The following RALGAPA2 variants were observed in gnomAD, a reference collection of about 807,000 sequenced individuals.
RALGAPA2 encodes Ral GTPase activating protein catalytic subunit alpha 2.
Under a neutral mutation model 230.4 loss-of-function variants are expected in RALGAPA2, and 139 were observed. That is an observed-to-expected ratio of 0.60 (90% CI 0.53 to 0.69). The LOEUF (loss-of-function observed/expected upper bound fraction) is 0.69. Among genes scored for constraint, RALGAPA2 ranks in the 30% least tolerant of loss-of-function variants. The pLI is 0.00. For synonymous variants in RALGAPA2, 847 were observed against 837.8 expected, an observed-to-expected ratio of 1.01 and a Z score of -0.19; for missense variants, 2,163 against 2,276.0, an observed-to-expected ratio of 0.95 and a Z score of 1.01.
At chr20:20,491,188 T>C (rs976119393) in intron 36 of RALGAPA2, among the ~76,000 whole-genome samples, 5 of 152,202 alleles carry the variant, frequency 3.3e-5, no homozygotes, top group Non-Finnish European at 7.3e-5. Flanking sequence ...TCCCATCTCC[T>C]GTCTTACTAC....
intron 37 of RALGAPA2, among the ~76,000 whole-genome samples, chr20:20,422,966 G>A (rs1295205345): frequency 6.6e-6 from 1 of 152,198 alleles, no homozygotes; most frequent in Admixed American, 6.5e-5. Flanking sequence ...ACACCAGCCT[G>A]TGGCAACTTG....
chr20:20,701,163 T>A lies in RALGAPA2; in HGVS notation c.106+11212A>T, dbSNP rs1057380543. ...GTTCAAATGCTGATTCTGCCACTCA[T>A]TGGATGTGTAACCTTGAACAAGGTT... On this transcript the variant is annotated intron_variant, in intron 1 of 39. Coordinates refer to ENST00000202677, the MANE Select transcript of RALGAPA2 (RefSeq NM_020343.4). Among the ~76,000 whole-genome samples, 3 of 152,216 alleles carry A rather than the reference T, an allele frequency of 2.0e-5. No homozygotes were observed. In the South Asian group the frequency reaches 6.2e-4, roughly 32 times the overall value.
At chr20:20,642,486 C>T (rs2067075892) in intron 5 of RALGAPA2, among the ~76,000 whole-genome samples, 2 of 152,186 alleles carry the variant, frequency 1.3e-5, no homozygotes, top group South Asian at 2.1e-4. Context: ...GCTGGGGTTA[C>T]AGGCATGAGC....
chr20:20,594,208 ATATT>A (rs551613697), intron 16 of RALGAPA2, among the ~76,000 whole-genome samples: 5 of 152,316 alleles, frequency 3.3e-5, no homozygotes, highest in Non-Finnish European at 7.3e-5. Flanking sequence ...TTGTAACAGT[ATATT>A]TATTGGGATT....
intron 37 of RALGAPA2, among the ~76,000 whole-genome samples, chr20:20,456,922 G>A (rs773473940): frequency 9.9e-5 from 15 of 151,962 alleles, no homozygotes; most frequent in Non-Finnish European, 1.9e-4. Flanking sequence ...GGACTCAAGT[G>A]ATCCTCCCAC....
Position 20,640,735 on chromosome 20 carries a change from C to T in RALGAPA2, c.516G>A (p.Glu172=). Residue 172 remains glutamate (E), a synonymous_variant, in exon 6 of 40, where the codon GAG becomes GAA. Coordinates refer to ENST00000202677, the MANE Select transcript of RALGAPA2 (RefSeq NM_020343.4). ...CACTAGGGCTGGGATTGATGAGTGT[C>T]TCCAGTGTGCAAGGGCCCCTGGATG... is the stretch of plus-strand genomic sequence containing the variant. ...VMSSRGPCTL[E]TLINPSPSVA... 1.2e-6 allele frequency: 2 copies of T among 1,613,936 alleles called. No individual in the cohort carries two copies. The highest frequency in any genetic ancestry group is 1.1e-5 in the South Asian group (1 of 91,070).
At chr20:20,492,215 T>C (rs1002609268) in intron 36 of RALGAPA2, among the ~76,000 whole-genome samples, 3 of 151,976 alleles carry the variant, frequency 2.0e-5, no homozygotes, top group Non-Finnish European at 2.9e-5. Flanking sequence ...GGTTTTTTTT[T>C]CTCCCAAAAA....
chr20:20,519,655 C>G (rs1569459151), intron 31 of RALGAPA2, among the ~76,000 whole-genome samples: 1 of 152,236 alleles, frequency 6.6e-6, no homozygotes, highest in Admixed American at 6.5e-5. Context: ...GCTGACCTTT[C>G]TCAACTTCTT....
chr20:20,538,771 G>A lies in RALGAPA2; in HGVS notation c.3286-1987C>T, dbSNP rs117029402. Among the ~76,000 whole-genome samples the A allele has an allele frequency of 7.9e-5, 12 of 152,246 alleles. No individual in the cohort carries two copies. In the East Asian group the frequency reaches 2.1e-3, roughly 27 times the overall value. Reference sequence around the variant, plus strand: ...AACTGAATGCATGCGTCTTTGTGGAGTGCAGAGAGAGAGAAGTGATGACAG... The same window carrying A: ...AACTGAATGCATGCGTCTTTGTGGAATGCAGAGAGAGAGAAGTGATGACAG... On this transcript the variant is annotated intron_variant, in intron 24 of 39. Coordinates refer to ENST00000202677, the MANE Select transcript of RALGAPA2 (RefSeq NM_020343.4).
chr20:20,538,969 T>C (rs2063568763), intron 24 of RALGAPA2, among the ~76,000 whole-genome samples: 1 of 152,310 alleles, frequency 6.6e-6, no homozygotes, highest in Non-Finnish European at 1.5e-5. Context: ...TAAATGAAAT[T>C]AGAGTATATG....
At chr20:20,422,382 T>TAGTGGC (rs1363477042) in intron 37 of RALGAPA2, among the ~76,000 whole-genome samples, 97 of 152,248 alleles carry the variant, frequency 6.4e-4, no homozygotes, top group African/African-American at 2.1e-3. Flanking sequence ...GAAAATCGCT[T>TAGTGGC]GGGGCCAGGA....
rs1435550464 is a variant in RALGAPA2 at position 20,396,735 on chromosome 20, C to T, written c.5618-1G>A. On this transcript the variant is annotated splice_acceptor_variant, in intron 38 of 39. Coordinates refer to ENST00000202677, the MANE Select transcript of RALGAPA2 (RefSeq NM_020343.4). LOFTEE classifies it high-confidence loss of function. ...AAATGAGACCTTTACGTGTTTTAAT[C>T]TGAAGGGAAAGAACACAAAATGGAA... is the stretch of plus-strand genomic sequence containing the variant. 6.2e-7 allele frequency: 1 copy of T among 1,606,236 alleles called. No individual in the cohort carries two copies.
chr20:20,561,219 C>T (rs1170952055), intron 23 of RALGAPA2, among the ~76,000 whole-genome samples: 1 of 152,236 alleles, frequency 6.6e-6, no homozygotes, highest in Admixed American at 6.5e-5. Flanking sequence ...CTAGAATCTA[C>T]CTATTAGTCC....
In RALGAPA2 at chr20:20,415,678, A is replaced by G. The variant is rs561212198; in HGVS notation, c.5496-3530T>C. The stretch of plus-strand genomic sequence containing the variant: ...GAGGTGGGAGGATCACTTGAGCCCA[A>G]GAGTTTGAGTCCAGCCTGGGCAACA... On this transcript the variant is annotated intron_variant, in intron 37 of 39. Transcript: ENST00000202677. 4.3e-4 allele frequency among the ~76,000 whole-genome samples: 66 copies of G among 152,326 alleles called. 1 individual carries two copies. The highest frequency in any genetic ancestry group is 1.5e-3 in the African/African-American group (61 of 41,566).
At chr20:20,625,335 C>G (rs1183751839) in intron 10 of RALGAPA2, among the ~76,000 whole-genome samples, 1 of 152,224 alleles carries the variant, frequency 6.6e-6, no homozygotes, top group African/African-American at 2.4e-5. Context: ...AGACTTTCTT[C>G]TAACATTAAT....
chr20:20,588,942 G>C (rs2065208807), intron 18 of RALGAPA2, among the ~76,000 whole-genome samples: 1 of 151,978 alleles, frequency 6.6e-6, no homozygotes, highest in Non-Finnish European at 1.5e-5. Context: ...GTCAGGTAGA[G>C]GCTACCTAAA....
At chr20:20,417,188 A>AAAAGG in intron 37 of RALGAPA2, among the ~76,000 whole-genome samples, 1 of 152,312 alleles carries the variant, frequency 6.6e-6, no homozygotes, top group Non-Finnish European at 1.5e-5. Flanking sequence ...TAGGGTGTGT[A>AAAAGG]AAAGGTTGAA....
intron 17 of RALGAPA2, among the ~76,000 whole-genome samples, chr20:20,590,026 A>G (rs6075680): frequency 0.057 from 8,661 of 151,186 alleles, 384 homozygotes; most frequent in African/African-American, 0.12. Flanking sequence ...TTAATATAAT[A>G]TGTATAATAT....
At chr20:20,659,542 C>A (rs1055740108) in intron 3 of RALGAPA2, among the ~76,000 whole-genome samples, 2 of 151,994 alleles carry the variant, frequency 1.3e-5, no homozygotes, top group African/African-American at 4.8e-5. Flanking sequence ...CAAAATAATC[C>A]GAAAACAAGG....
Sources: allele counts gnomAD v4.1 joint callset (sites outside exome capture counted in the v4.1 genomes callset), GRCh38; gene constraint gnomAD v4.1.1; transcripts MANE v1.5; gene names NCBI Gene and HGNC (gene_info 2026-07-23, HGNC 2026-07-21).